The following PCDH11Y variants were observed in gnomAD, a reference collection of about 807,000 sequenced individuals.
The protein encoded by PCDH11Y is protocadherin 11 Y-linked.
For missense variants in PCDH11Y, 12 were observed against 224.8 expected (o/e 0.05, Z 6.05); for synonymous variants, 9 against 83.6 (o/e 0.11, Z 4.87).
chrY:5,604,611 ATATT>A (rs2053477338), intron 4 of PCDH11Y, among the ~76,000 whole-genome samples: 7 of 31,480 alleles, frequency 2.2e-4, no homozygotes, highest in Admixed American at 1.2e-3. Flanking sequence ...TTTATTGTCT[ATATT>A]TAAGGTGTTC....
intron 2 of PCDH11Y, among the ~76,000 whole-genome samples, chrY:5,346,082 G>A: frequency 3.0e-5 from 1 of 33,534 alleles, no homozygotes; most frequent in Admixed American, 2.7e-4. Context: ...GTGCACACTT[G>A]TCCTCATCTA....
At chrY:5,117,745 T>C in intron 2 of PCDH11Y, among the ~76,000 whole-genome samples, 1 of 31,980 alleles carries the variant, frequency 3.1e-5, no homozygotes, top group Non-Finnish European at 7.5e-5. Flanking sequence ...TAATTGTATA[T>C]ATTCTACATG....
intron 3 of PCDH11Y, among the ~76,000 whole-genome samples, chrY:5,534,560 C>A: frequency 1.8e-4 from 6 of 33,236 alleles, no homozygotes; most frequent in Non-Finnish European, 3.7e-4. Flanking sequence ...CATAGTATTC[C>A]ATTGTGTATA....
At chrY:5,652,402 A>G in intron 4 of PCDH11Y, among the ~76,000 whole-genome samples, 1 of 33,467 alleles carries the variant, frequency 3.0e-5, no homozygotes. Flanking sequence ...GTAGTAAAAC[A>G]TAGCCATAAT....
intron 2 of PCDH11Y, among the ~76,000 whole-genome samples, chrY:5,228,404 T>C (rs2052963495): frequency 3.1e-5 from 1 of 32,771 alleles, no homozygotes; most frequent in Non-Finnish European, 7.5e-5. Flanking sequence ...TTGTATTGTA[T>C]TTTTATCTTA....
intron 2 of PCDH11Y, among the ~76,000 whole-genome samples, chrY:5,470,619 GT>G (rs1245191050): frequency 3.4e-5 from 1 of 29,261 alleles, no homozygotes; most frequent in African/African-American, 1.3e-4. Flanking sequence ...TTTCATTTAT[GT>G]TTTTTTTTGT....
At chrY:5,616,866 GAT>G (rs2053494373) in intron 4 of PCDH11Y, among the ~76,000 whole-genome samples, 1 of 32,963 alleles carries the variant, frequency 3.0e-5, no homozygotes, top group Non-Finnish European at 7.5e-5. Context: ...ACAATCAAAT[GAT>G]AAATCCTTTG....
chrY:5,075,278 TC>T (rs2052706454), intron 1 of PCDH11Y, among the ~76,000 whole-genome samples: 1 of 33,461 alleles, frequency 3.0e-5, no homozygotes, highest in Admixed American at 2.8e-4. Context: ...TTTACTTTTT[TC>T]TTTTTAATTT....
At chrY:5,652,262 AT>A (rs2053532025) in intron 4 of PCDH11Y, among the ~76,000 whole-genome samples, 1 of 32,850 alleles carries the variant, frequency 3.0e-5, no homozygotes, top group Non-Finnish European at 7.5e-5. Flanking sequence ...ACAAGATGAG[AT>A]TTGGGTGAGG....
At chrY:5,258,605 A>G in intron 2 of PCDH11Y, among the ~76,000 whole-genome samples, 3 of 31,548 alleles carry the variant, frequency 9.5e-5, no homozygotes, top group Non-Finnish European at 1.5e-4. Flanking sequence ...CTGTGTTTGT[A>G]TAGTTCCCAA....
intron 4 of PCDH11Y, among the ~76,000 whole-genome samples, chrY:5,593,125 C>T: frequency 1.2e-4 from 4 of 32,655 alleles, no homozygotes; most frequent in African/African-American, 2.4e-4. Context: ...CCATTCTCCT[C>T]GTCTTTTTCA....
At position 5,577,730 on chromosome Y, in the gene PCDH11Y, T is replaced by G. The variant is rs1294523246; in HGVS notation, c.3329-4045T>G. On this transcript the variant is annotated intron_variant, in intron 3 of 4. Transcript: ENST00000400457. ...TTCTCTGTTTGTAGCTTATATGGTT[T>G]GGCTGTGTCCCCACCCAAATCTGAT... 7.3e-4 allele frequency among the ~76,000 whole-genome samples: 24 copies of G among 32,947 alleles called. No individual in the cohort carries two copies. The East Asian group carries it at 0.019, about 25-fold the overall frequency. The allele number at this position is 32,947 out of a possible 37,273, so 88.4% of individuals were successfully genotyped here.
intron 2 of PCDH11Y, among the ~76,000 whole-genome samples, chrY:5,129,354 G>A (rs2052829953): frequency 3.2e-5 from 1 of 30,948 alleles, no homozygotes; most frequent in African/African-American, 1.3e-4. Flanking sequence ...TTTTTTATTT[G>A]CTGAGTGGAT....
chrY:5,168,542 CATATATATATAT>C (rs61386097), intron 2 of PCDH11Y, among the ~76,000 whole-genome samples: 12 of 1,240 alleles, frequency 9.7e-3, no homozygotes, highest in East Asian at 0.039. Context: ...TCGTAGACAT[CATATATATATAT>C]ATATATATAT....
chrY:5,312,843 T>G, intron 2 of PCDH11Y, among the ~76,000 whole-genome samples: 1 of 31,971 alleles, frequency 3.1e-5, no homozygotes, highest in African/African-American at 1.2e-4. Context: ...CTTTAGGTTA[T>G]ATAACTCTGA....
intron 1 of PCDH11Y, among the ~76,000 whole-genome samples, chrY:5,007,906 A>G: frequency 3.0e-5 from 1 of 33,005 alleles, no homozygotes; most frequent in South Asian, 6.7e-4. Context: ...GCAAAAATCT[A>G]TGTGTCTTGG....
chrY:5,259,813 G>C, intron 2 of PCDH11Y, among the ~76,000 whole-genome samples: 1 of 33,055 alleles, frequency 3.0e-5, no homozygotes, highest in Non-Finnish European at 7.5e-5. Flanking sequence ...ATTTCTTCCT[G>C]CTCATTAATG....
chrY:5,703,367 A>C (rs2124712241), intron 4 of PCDH11Y, among the ~76,000 whole-genome samples: 1 of 33,226 alleles, frequency 3.0e-5, no homozygotes, highest in African/African-American at 1.2e-4. Context: ...ATATTTGAGA[A>C]AATTAACAAG....
At chrY:5,288,380 G>A (rs2053062882) in intron 2 of PCDH11Y, among the ~76,000 whole-genome samples, 1 of 33,021 alleles carries the variant, frequency 3.0e-5, no homozygotes, top group Non-Finnish European at 7.4e-5. Context: ...CAGTTGACTG[G>A]CTTTGTTTCT....
Sources: allele counts gnomAD v4.1 joint callset (sites outside exome capture counted in the v4.1 genomes callset), GRCh38; gene constraint gnomAD v4.1.1; transcripts MANE v1.5; gene names NCBI Gene and HGNC (gene_info 2026-07-23, HGNC 2026-07-21).